USP19: variants seen among roughly 807,000 people sequenced by gnomAD.
USP19 encodes the protein ubiquitin carboxyl-terminal hydrolase 19.
A neutral mutation model predicts 144.8 loss-of-function variants in USP19; 40 were observed. The ratio of observed to expected loss-of-function variants is 0.28; its 90% CI spans 0.21 to 0.36. The LOEUF (loss-of-function observed/expected upper bound fraction) is 0.36. USP19 is among the 10% of genes least tolerant of loss of function. The probability of loss-of-function intolerance (pLI) is 1.00; values close to 1 mark genes in which losing one functional copy is unlikely to be tolerated. For synonymous variants in USP19, 701 were observed against 709.3 expected (o/e 0.99, Z 0.19); for missense variants, 1,518 against 1,822.5 (o/e 0.83, Z 3.04).
chr3:49,118,998 T>G (rs1385878996), intron 2 of USP19, 24 bp downstream of exon 2: 35 of 1,613,408 alleles, frequency 2.2e-5, no homozygotes, highest in Non-Finnish European at 2.9e-5. Flanking sequence ...AAGGCCACAA[T>G]TACTCTGGGA....
Position 49,115,358 on chromosome 3 carries a change from C to T in USP19, c.1892G>A (p.Arg631His), listed in dbSNP as rs1196685560. ...GTAGTTGATCTCAGCCTCAAAGGAG[C>T]GGTCTAGGAATAGTAGCCGAGCAAA... is the stretch of plus-strand genomic sequence containing the variant. ...TRELRDFFHD[R>H]SFEAEINYNN... The change falls in exon 13 of 27, where the codon CGC (arginine) becomes CAC (histidine). Residue 631 changes from arginine (R) to histidine (H), a missense_variant. This residue lies in a region of USP19 where 158 missense variants were observed against 277.3 expected (regional missense o/e 0.57). Coordinates refer to ENST00000417901, the MANE Select transcript of USP19 (RefSeq NM_001199161.2). The surrounding 1 kb of genome is among the most constrained non-coding windows in gnomAD (Gnocchi z 6.6). 3 of 1,614,176 alleles carry T rather than the reference C, an allele frequency of 1.9e-6. No individual in the cohort carries two copies. The highest frequency in any genetic ancestry group is 2.5e-6 in the Non-Finnish European group (3 of 1,180,038).
chr3:49,108,881 G>A lies in USP19; in HGVS notation c.4039-353C>T. 1.6e-5 allele frequency: 24 copies of A among 1,516,766 alleles called. No individual in the cohort carries two copies. Among genetic ancestry groups the A allele is most frequent in the Non-Finnish European group, 2.0e-5 (23 of 1,132,812 alleles). 94.0% of individuals were successfully genotyped at this position (1,516,766 alleles called of 1,614,324 possible). ...ATAAGCTGAGGCCCAAAGCCCAGAGGTGTTCCCCACAACAAAGGCAGGCAT... is the reference window on the plus strand; with the variant it reads ...ATAAGCTGAGGCCCAAAGCCCAGAGATGTTCCCCACAACAAAGGCAGGCAT... On this transcript the variant is annotated intron_variant, in intron 26 of 26. Transcript: ENST00000417901. The surrounding 1 kb of genome is among the most constrained non-coding windows in gnomAD (Gnocchi z 4.8).
At chr3:49,120,174 G>C (rs2044952967) in intron 1 of USP19, among the ~76,000 whole-genome samples, 1 of 152,190 alleles carries the variant, frequency 6.6e-6, no homozygotes, top group Non-Finnish European at 1.5e-5. Context: ...CACAGATCCA[G>C]GACTCCTGGC....
rs2042936425 is a variant in USP19 at position 49,110,222 on chromosome 3, G to A, written c.4000C>T (p.Pro1334Ser). 3.8e-6 allele frequency: 6 copies of A among 1,564,064 alleles called. No individual in the cohort carries two copies. Among genetic ancestry groups the A allele is most frequent in the Non-Finnish European group, 5.2e-6 (6 of 1,154,594 alleles). ...PPRAGHSEHHPDLGPAAEAAA... is the reference protein window; with the variant it reads ...PPRAGHSEHHSDLGPAAEAAA... Reference sequence around the variant, plus strand: ...GCCTCAGCTGCAGGGCCTAGGTCTGGGTGGTGCTCAGAGTGACCTGCCCTG... The same window carrying A: ...GCCTCAGCTGCAGGGCCTAGGTCTGAGTGGTGCTCAGAGTGACCTGCCCTG... Residue 1334 changes from proline to serine, a missense_variant, in exon 26 of 27, where the codon CCA (proline) becomes TCA (serine). Physicochemically the swap from Pro to Ser is moderately conservative, Grantham distance 74. Coordinates refer to ENST00000417901, the MANE Select transcript of USP19 (RefSeq NM_001199161.2). The surrounding 1 kb of genome is among the most constrained non-coding windows in gnomAD (Gnocchi z 6.1).
rs569718011 is a variant in USP19 at position 49,118,871 on chromosome 3, G to A, written c.124+151C>T. On this transcript the variant is annotated intron_variant, in intron 2 of 26. Transcript: ENST00000417901. ...CAAGTACTCAGGCTTCAAAGCTGAG[G>A]CTCTACTGAGGTTATCATGGGTCCT... is the stretch of plus-strand genomic sequence containing the variant. 6.0e-6 allele frequency: 7 copies of A among 1,167,870 alleles called. No homozygotes were observed. The Admixed American group carries it at 9.9e-5, about 16-fold the overall frequency. The allele number at this position is 1,167,870 out of a possible 1,614,324, so 72.3% of individuals were successfully genotyped here.
Position 49,110,915 on chromosome 3 carries a change from C to G in USP19, c.3545+35G>C. ...ACCAGCAAGTCTCTCTCTTCTCCATCCTGCCCCCTTATCTACTTGCTGCTC... is the reference window on the plus strand; with the variant it reads ...ACCAGCAAGTCTCTCTCTTCTCCATGCTGCCCCCTTATCTACTTGCTGCTC... On this transcript the variant is annotated intron_variant, in intron 23 of 26. Transcript: ENST00000417901. This position sits in a 1 kb window ranked among gnomAD's most constrained non-coding sequence, Gnocchi z 6.1. 1 of 1,613,804 alleles carries G rather than the reference C, an allele frequency of 6.2e-7. No individual in the cohort carries two copies. Among genetic ancestry groups the G allele is most frequent in the Non-Finnish European group, 8.5e-7 (1 of 1,179,776 alleles).
rs2044192979 is a variant in USP19, at chr3:49,116,658, G to A, written c.1127-51C>T. 6.2e-7 allele frequency: 1 copy of A among 1,611,804 alleles called. No individual in the cohort carries two copies. Among genetic ancestry groups the A allele is most frequent in the African/African-American group, 1.3e-5 (1 of 74,962 alleles). On this transcript the variant is annotated intron_variant, in intron 7 of 26. Transcript: ENST00000417901. This position sits in a 1 kb window ranked among gnomAD's most constrained non-coding sequence, Gnocchi z 5.0. ...CAACCAGGACAGGTTCCAGCCTATT[G>A]CTACTCTCTATCCACCTACAAACTT...
chr3:49,115,092 T>A lies in USP19; in HGVS notation c.2048A>T (p.Gln683Leu), dbSNP rs201778195. Residue 683 changes from glutamine to leucine, a missense_variant, in exon 14 of 27, where the codon CAG (glutamine) becomes CTG (leucine). By Grantham distance (113) the Gln-to-Leu change is moderately radical. Coordinates refer to ENST00000417901, the MANE Select transcript of USP19 (RefSeq NM_001199161.2). The surrounding 1 kb of genome is among the most constrained non-coding windows in gnomAD (Gnocchi z 6.6). ...LKAIVASKAS[Q>L]FTGYAQHDAQ... ...ATCATGCTGTGCATAGCCTGTGAAC[T>A]GGCTGGCCTTACTCGCCACAATGGC... The A allele has an allele frequency of 3.1e-6, 5 of 1,614,134 alleles. No homozygotes were observed.
In USP19 at chr3:49,110,544, A is replaced by T. The variant is rs1280085986; in HGVS notation, c.3759T>A (p.Asp1253Glu). The change falls in exon 25 of 27, where the codon GAT (aspartate) becomes GAA (glutamate). Residue 1253 changes from aspartate (D) to glutamate (E), a missense_variant. Physicochemically the swap from Asp to Glu is conservative, Grantham distance 45 (BLOSUM62 2). Transcript: ENST00000417901. This position sits in a 1 kb window ranked among gnomAD's most constrained non-coding sequence, Gnocchi z 6.1. ...CATAGTGGTTGATGACAGCATATAGATCGTAGCTGGGCAGCTGCTCCTCTT... is the reference window on the plus strand; with the variant it reads ...CATAGTGGTTGATGACAGCATATAGTTCGTAGCTGGGCAGCTGCTCCTCTT... ...GQKEEQLPSYDLYAVINHYGG... is the reference protein window; with the variant it reads ...GQKEEQLPSYELYAVINHYGG... The T allele has an allele frequency of 7.4e-6, 12 of 1,614,028 alleles. No individual in the cohort carries two copies. Among genetic ancestry groups the T allele is most frequent in the Non-Finnish European group, 1.0e-5 (12 of 1,180,022 alleles).
chr3:49,109,006 G>C (rs371721265), intron 26 of USP19: 2 of 1,613,592 alleles, frequency 1.2e-6, no homozygotes, highest in Non-Finnish European at 1.7e-6. Flanking sequence ...CGTTGAGCAC[G>C]AGGGCCACCA....
At position 49,118,077 on chromosome 3, in the gene USP19, C is replaced by A; in HGVS notation, c.168G>T (p.Leu56=). The part of the protein sequence containing the change: ...RYVAQAGLEP[L]ASGDPSASAS... ...CTGAGGCAGAAGGATCACCTGAGGC[C>A]AGAGGTTCAAGACCAGCCTGGGCAA... is the stretch of plus-strand genomic sequence containing the variant. The change falls in exon 3 of 27, where the codon CTG becomes CTT. Residue 56 remains leucine (L), a synonymous_variant. Transcript: ENST00000417901. 1 of 1,562,936 alleles carries A rather than the reference C, an allele frequency of 6.4e-7. No individual in the cohort carries two copies.
At position 49,115,586 on chromosome 3, in the gene USP19, G is replaced by A; in HGVS notation, c.1746C>T (p.Asp582=). The change falls in exon 12 of 27, where the codon GAC becomes GAT. Residue 582 remains aspartate (D), a synonymous_variant. Transcript: ENST00000417901. The surrounding 1 kb of genome is among the most constrained non-coding windows in gnomAD (Gnocchi z 6.6). ...PPMPHSPVSG[D]SVEEEEEEEK... is the part of the protein sequence containing the mutation. Reference sequence around the variant, plus strand: ...CTTCCTCTTCCTCCTCCTCCACGCTGTCTCCACTAACTGGGCTGTGGGGCA... The same window carrying A: ...CTTCCTCTTCCTCCTCCTCCACGCTATCTCCACTAACTGGGCTGTGGGGCA... The A allele has an allele frequency of 1.2e-6, 2 of 1,612,030 alleles. No individual in the cohort carries two copies. Among genetic ancestry groups the A allele is most frequent in the Non-Finnish European group, 1.7e-6 (2 of 1,178,964 alleles).
At position 49,120,597 on chromosome 3, in the gene USP19, C is replaced by T. The variant is rs533043183; in HGVS notation, c.-137+159G>A. 6.5e-5 allele frequency: 10 copies of T among 154,260 alleles called. No homozygotes were observed. The South Asian group carries it at 1.9e-3, about 29-fold the overall frequency. 9.6% of individuals were successfully genotyped at this position (154,260 alleles called of 1,614,324 possible). ...TCCCAGGTGGGAGGCTGGCCACAGGCATAGCGTAACGGCCCTGCCGGCATC... is the reference window on the plus strand; with the variant it reads ...TCCCAGGTGGGAGGCTGGCCACAGGTATAGCGTAACGGCCCTGCCGGCATC... On this transcript the variant is annotated intron_variant, in intron 1 of 26. Coordinates refer to ENST00000417901, the MANE Select transcript of USP19 (RefSeq NM_001199161.2).
Position 49,108,972 on chromosome 3 carries a change from T to C in USP19, c.4039-444A>G, listed in dbSNP as rs1358260329. The C allele has an allele frequency of 6.2e-7, 1 of 1,611,144 alleles. No individual in the cohort carries two copies. Among genetic ancestry groups the C allele is most frequent in the Admixed American group, 1.7e-5 (1 of 59,664 alleles). On this transcript the variant is annotated intron_variant, in intron 26 of 26. Transcript: ENST00000417901. This position sits in a 1 kb window ranked among gnomAD's most constrained non-coding sequence, Gnocchi z 4.8. ...TGCAGGCGAGCTCATCTCCAGCGAC[T>C]CTGGGATACCAGAGGATAGAACACG...
rs1461756523 is a variant in USP19, at chr3:49,111,561, C to T, written c.3156G>A (p.Leu1052=). ...AGCCAACCTCAATGGGCCCACTGGCCAGCATCTCAGAAGAAATTCCACTGG... is the reference window on the plus strand; with the variant it reads ...AGCCAACCTCAATGGGCCCACTGGCTAGCATCTCAGAAGAAATTCCACTGG... ...PSTSGISSEM[L]ASGPIEVGSL... is the part of the protein sequence containing the mutation. The change falls in exon 21 of 27, where the codon CTG becomes CTA. Residue 1052 remains leucine, a synonymous_variant. Coordinates refer to ENST00000417901, the MANE Select transcript of USP19 (RefSeq NM_001199161.2). The surrounding 1 kb of genome is among the most constrained non-coding windows in gnomAD (Gnocchi z 5.9). The T allele has an allele frequency of 6.2e-7, 1 of 1,612,904 alleles. No individual in the cohort carries two copies. The highest frequency in any genetic ancestry group is 1.1e-5 in the South Asian group (1 of 91,062).
chr3:49,115,778 T>G lies in USP19; in HGVS notation c.1638A>C (p.Ala546=). Residue 546 remains alanine (A), a synonymous_variant, in exon 11 of 27, where the codon GCA becomes GCC. Coordinates refer to ENST00000417901, the MANE Select transcript of USP19 (RefSeq NM_001199161.2). This position sits in a 1 kb window ranked among gnomAD's most constrained non-coding sequence, Gnocchi z 6.6. The part of the protein sequence containing the change: ...RSEDTGLDSV[A]TRTPMEHVTP... Reference sequence around the variant, plus strand: ...TTACATGCTCCATGGGTGTGCGGGTTGCCACACTGTCTAGCCCTGTGTCCT... The same window carrying G: ...TTACATGCTCCATGGGTGTGCGGGTGGCCACACTGTCTAGCCCTGTGTCCT... The G allele has an allele frequency of 1.2e-6, 2 of 1,613,952 alleles. No individual in the cohort carries two copies. The highest frequency in any genetic ancestry group is 2.2e-5 in the South Asian group (2 of 91,074).
At position 49,108,490 on chromosome 3, in the gene USP19, C is replaced by T. The variant is rs1212109585; in HGVS notation, c.4077G>A (p.Thr1359=). 1.3e-5 allele frequency: 17 copies of T among 1,270,990 alleles called. No individual in the cohort carries two copies. The highest frequency in any genetic ancestry group is 3.2e-5 in the East Asian group (1 of 30,774). 78.7% of individuals were successfully genotyped at this position (1,270,990 alleles called of 1,614,324 possible). A position where few individuals can be genotyped will look rare whatever the true frequency, so the allele number is the denominator to read the frequency against. The change falls in exon 27 of 27, where the codon ACG becomes ACA. Residue 1359 remains threonine (T), a synonymous_variant. Coordinates refer to ENST00000417901, the MANE Select transcript of USP19 (RefSeq NM_001199161.2). This position sits in a 1 kb window ranked among gnomAD's most constrained non-coding sequence, Gnocchi z 4.8. The stretch of plus-strand genomic sequence containing the variant: ...GGGCGAAGCGTTCAGGGGCTGTCCG[C>T]GTGGGGGCCACCTCGGGGGCCTGGC... ...GPGQAPEVAP[T]RTAPERFAPP...
chr3:49,116,107 T>C lies in USP19; in HGVS notation c.1411A>G (p.Ile471Val), dbSNP rs766344614. The C allele has an allele frequency of 7.4e-6, 12 of 1,613,130 alleles. No individual in the cohort carries two copies. Among genetic ancestry groups the C allele is most frequent in the Non-Finnish European group, 1.0e-5 (12 of 1,179,774 alleles). The change falls in exon 10 of 27, where the codon ATC becomes GTC. Residue 471 changes from isoleucine (I) to valine (V), a missense_variant. Coordinates refer to ENST00000417901, the MANE Select transcript of USP19 (RefSeq NM_001199161.2). The surrounding 1 kb of genome is among the most constrained non-coding windows in gnomAD (Gnocchi z 5.0). ...TGACTCTGCCTCTTACGAAGGCAGATGTCGATGCGAGAAGCCGTGAAACAG... is the reference window on the plus strand; with the variant it reads ...TGACTCTGCCTCTTACGAAGGCAGACGTCGATGCGAGAAGCCGTGAAACAG... ...TFCFTASRID[I>V]CLRKRQSQRW...
chr3:49,119,178 C>A lies in USP19; in HGVS notation c.-33G>T. ...CGCTTGGTCGACAGCCAGAGTGCCC[C>A]GGGGTCGGCAACAGCGTCTGGGTCA... On this transcript the variant is annotated 5_prime_UTR_variant, in exon 2 of 27. Transcript: ENST00000417901. 6.2e-7 allele frequency: 1 copy of A among 1,600,428 alleles called. No individual in the cohort carries two copies. The highest frequency in any genetic ancestry group is 8.5e-7 in the Non-Finnish European group (1 of 1,174,106).
Sources: allele counts gnomAD v4.1 joint callset (sites outside exome capture counted in the v4.1 genomes callset), GRCh38; gene constraint gnomAD v4.1.1; regional missense constraint gnomAD v4.1.1; non-coding constraint Gnocchi (gnomAD v3.1); transcripts MANE v1.5; gene names NCBI Gene and HGNC (gene_info 2026-07-23, HGNC 2026-07-21).